SLC16A6: variants seen among roughly 807,000 people sequenced by gnomAD.
SLC16A6 encodes solute carrier family 16 member 6.
In SLC16A6, 15 loss-of-function variants were observed where a neutral mutation model predicts 33.8. The observed-to-expected ratio is 0.44, with a 90% CI of 0.30 to 0.68. The LOEUF is 0.68. Ranked by LOEUF, SLC16A6 falls within the 30% of genes least tolerant of loss-of-function variation. The probability of loss-of-function intolerance (pLI) is 0.10; values close to 1 mark genes in which losing one functional copy is unlikely to be tolerated. For synonymous variants in SLC16A6, 219 were observed against 248.4 expected (o/e 0.88, Z 1.11); for missense variants, 451 against 661.5 (o/e 0.68, Z 3.49).
intron 2 of SLC16A6, among the ~76,000 whole-genome samples, chr17:68,277,585 G>A (rs1380058762): frequency 3.9e-5 from 6 of 152,074 alleles, no homozygotes; most frequent in African/African-American, 1.4e-4. Context: ...GCAAAACACT[G>A]TGCCTGGCTA....
chr17:68,276,425 T>C (rs2075523465), intron 2 of SLC16A6, among the ~76,000 whole-genome samples: 1 of 152,108 alleles, frequency 6.6e-6, no homozygotes, highest in South Asian at 2.1e-4. Context: ...TAGGGAAGTT[T>C]AAGGTCAGCC....
rs782637713 is a variant in SLC16A6, at chr17:68,268,156, T to G, written c.*940A>C. Reference sequence around the variant, plus strand: ...AGTATTTTTACAAGATAAGACGTATTCTGTGAGGCATTTAAAGGATTGCAG... The same window carrying G: ...AGTATTTTTACAAGATAAGACGTATGCTGTGAGGCATTTAAAGGATTGCAG... On this transcript the variant is annotated 3_prime_UTR_variant, in exon 6 of 6. Coordinates refer to ENST00000580666, the MANE Select transcript of SLC16A6 (RefSeq NM_004694.5). The G allele has an allele frequency of 2.4e-4, 36 of 152,280 alleles. No individual in the cohort carries two copies. The highest frequency in any genetic ancestry group is 5.0e-4 in the Non-Finnish European group (34 of 68,040). The allele number at this position is 152,280 out of a possible 1,614,324, so 9.4% of individuals were successfully genotyped here.
intron 1 of SLC16A6, among the ~76,000 whole-genome samples, chr17:68,288,020 G>A (rs1420697093): frequency 7.1e-6 from 1 of 140,902 alleles, no homozygotes; most frequent in Non-Finnish European, 1.5e-5. Context: ...GGTTGGGGAT[G>A]GAGTCTCAGT....
intron 1 of SLC16A6, among the ~76,000 whole-genome samples, chr17:68,285,334 G>A (rs781963904): frequency 3.9e-5 from 6 of 152,224 alleles, no homozygotes; most frequent in Admixed American, 6.5e-5. Flanking sequence ...CTAGAGAGAC[G>A]TGGAGTGCAG....
At chr17:68,274,316 A>C in intron 2 of SLC16A6, 4 of 333,556 alleles carry the variant, frequency 1.2e-5, no homozygotes, top group Middle Eastern at 9.2e-4. Flanking sequence ...AAATACAAAA[A>C]TTAGCCAGGC....
chr17:68,275,810 T>C (rs2075496770), intron 2 of SLC16A6, among the ~76,000 whole-genome samples: 1 of 151,692 alleles, frequency 6.6e-6, no homozygotes, highest in South Asian at 2.1e-4. Context: ...CAAAACCCCG[T>C]CTCTACTATA....
chr17:68,282,758 A>G (rs1173933162), intron 1 of SLC16A6, among the ~76,000 whole-genome samples: 1 of 140,710 alleles, frequency 7.1e-6, no homozygotes, highest in Non-Finnish European at 1.5e-5. Context: ...TCTGGCCAAC[A>G]TAGTGAAACC....
rs1350571599 is a variant in SLC16A6, at chr17:68,278,103, A to T, written c.218T>A (p.Val73Asp). 3.7e-6 allele frequency: 6 copies of T among 1,613,198 alleles called. No homozygotes were observed. The highest frequency in any genetic ancestry group is 5.1e-6 in the Non-Finnish European group (6 of 1,179,200). ...ISWIISICVF[V>D]LTFSAPLATV... ...GATGTACTAACCTGAAAATGTTAAGACAAACACACAGATTGAGATTATCCA... is the reference window on the plus strand; with the variant it reads ...GATGTACTAACCTGAAAATGTTAAGTCAAACACACAGATTGAGATTATCCA... Residue 73 changes from valine (V) to aspartate (D), a missense_variant, in exon 2 of 6, where the codon GTC becomes GAC. Transcript: ENST00000580666.
At chr17:68,274,410 G>A (rs1188761359) in intron 2 of SLC16A6, 1 of 195,728 alleles carries the variant, frequency 5.1e-6, no homozygotes, top group African/African-American at 2.3e-5. Context: ...ACGATGCAGT[G>A]AGCCAAGATT....
chr17:68,286,210 T>C (rs1486038871), intron 1 of SLC16A6, among the ~76,000 whole-genome samples: 2 of 152,196 alleles, frequency 1.3e-5, no homozygotes, highest in African/African-American at 4.8e-5. Flanking sequence ...GAAGTTCTGG[T>C]GCCAGCTGCC....
At chr17:68,281,964 C>G (rs1555752962) in intron 1 of SLC16A6, among the ~76,000 whole-genome samples, 1 of 152,146 alleles carries the variant, frequency 6.6e-6, no homozygotes, top group African/African-American at 2.4e-5. Flanking sequence ...GGATCTAGAA[C>G]TGGAAATACC....
At position 68,288,742 on chromosome 17, in the gene SLC16A6, A is replaced by G. The variant is rs1048431873; in HGVS notation, c.-8+2344T>C. 5.3e-5 allele frequency among the ~76,000 whole-genome samples: 8 copies of G among 152,342 alleles called. No individual in the cohort carries two copies. In the South Asian group the frequency reaches 1.7e-3, roughly 32 times the overall value. Reference sequence around the variant, plus strand: ...TAATCCTTCTAAGCCCTTTGAAGGCAAGGCCGAAGAGTTGGTCTTCTTAAA... The same window carrying G: ...TAATCCTTCTAAGCCCTTTGAAGGCGAGGCCGAAGAGTTGGTCTTCTTAAA... On this transcript the variant is annotated intron_variant, in intron 1 of 5. Coordinates refer to ENST00000580666, the MANE Select transcript of SLC16A6 (RefSeq NM_004694.5).
At chr17:68,278,401 A>G (rs1474505824) in intron 1 of SLC16A6, 74 bp from the exon 2 acceptor site, 1 of 889,948 alleles carries the variant, frequency 1.1e-6, no homozygotes, top group Non-Finnish European at 1.8e-6. Context: ...TCTTAAGCAA[A>G]CAACAGATAA....
chr17:68,271,879 C>T lies in SLC16A6; in HGVS notation c.506-225G>A, dbSNP rs1216067960. Among the ~76,000 whole-genome samples, 13 of 152,106 alleles carry T rather than the reference C, an allele frequency of 8.5e-5. No homozygotes were observed. Among genetic ancestry groups the T allele is most frequent in the African/African-American group, 2.4e-4 (10 of 41,422 alleles). On this transcript the variant is annotated intron_variant, in intron 4 of 5. Coordinates refer to ENST00000580666, the MANE Select transcript of SLC16A6 (RefSeq NM_004694.5). This position sits in a 1 kb window ranked among gnomAD's most constrained non-coding sequence, Gnocchi z 5.3. ...GTGCAGTGGCCTGATCTCAGCTCAC[C>T]GCAACCTCCACCTCCCGGGTTCAAG...
Position 68,273,970 on chromosome 17 carries a change from T to G in SLC16A6, c.333A>C (p.Ser111=). 1 of 1,614,150 alleles carries G rather than the reference T, an allele frequency of 6.2e-7. No homozygotes were observed. Among genetic ancestry groups the G allele is most frequent in the Non-Finnish European group, 8.5e-7 (1 of 1,180,012 alleles). Residue 111 remains serine, a synonymous_variant, in exon 3 of 6, where the codon TCA becomes TCC. Transcript: ENST00000580666. The part of the protein sequence containing the change: ...VSTGMVAASF[S]QEVSHMYVAI... ...CGACGTACATATGAGAAACCTCTTG[T>G]GAGAAGGAGGCGGCCACCATCCCGG...
chr17:68,269,589 G>A (rs1451737821), intron 5 of SLC16A6, among the ~76,000 whole-genome samples: 1 of 146,246 alleles, frequency 6.8e-6, no homozygotes, highest in East Asian at 2.0e-4. Context: ...CTAAAACCTG[G>A]GACATTTCGA....
intron 5 of SLC16A6, 62 bp from the exon 6 acceptor site, chr17:68,269,408 C>T (rs1166186208): frequency 5.2e-5 from 63 of 1,211,206 alleles, no homozygotes; most frequent in Middle Eastern, 2.3e-4. Context: ...CTCACCCAGG[C>T]GACCATCCCA....
intron 2 of SLC16A6, among the ~76,000 whole-genome samples, chr17:68,275,379 T>C (rs919935197): frequency 9.2e-5 from 14 of 152,326 alleles, no homozygotes; most frequent in African/African-American, 3.4e-4. Flanking sequence ...ATGTATCTAC[T>C]ATGTTAACTA....
chr17:68,288,163 A>AT (rs531417432), intron 1 of SLC16A6, among the ~76,000 whole-genome samples: 11,577 of 147,710 alleles, frequency 0.078, 516 homozygotes, highest in African/African-American at 0.12. Context: ...CGCCCGGCTG[A>AT]TTTTTTTTTT....
Sources: gnomAD v4.1 joint callset for allele counts (sites outside exome capture counted in the v4.1 genomes callset) on GRCh38, gnomAD v4.1.1 for gene constraint, Gnocchi (gnomAD v3.1) non-coding constraint, MANE v1.5 for transcripts, NCBI Gene and HGNC (gene_info 2026-07-23, HGNC 2026-07-21) for gene names.